The following KSR2 variants were observed in gnomAD, a reference collection of about 807,000 sequenced individuals.
KSR2 encodes kinase suppressor of ras 2.
In KSR2, 25 loss-of-function variants were observed where a neutral mutation model predicts 107.8. That is an observed-to-expected ratio of 0.23 (90% CI 0.17 to 0.32). KSR2 has a LOEUF of 0.32. Among genes scored for constraint, KSR2 ranks in the 10% least tolerant of loss-of-function variants. The pLI, the probability that KSR2 is intolerant of heterozygous loss-of-function variation, is 1.00. For synonymous variants in KSR2, 480 were observed against 507.0 expected (o/e 0.95, Z 0.71); for missense variants, 887 against 1,268.9 (o/e 0.70, Z 4.57).
intron 2 of KSR2, 48 bp from the exon 3 acceptor site, chr12:117,855,626 T>C (rs768363456): frequency 1.0e-4 from 164 of 1,592,368 alleles, no homozygotes; most frequent in Non-Finnish European, 1.4e-4. Flanking sequence ...GAACAGCATC[T>C]CTGCCTCCAC....
At chr12:117,628,240 C>T (rs796797087) in intron 5 of KSR2, among the ~76,000 whole-genome samples, 2 of 152,144 alleles carry the variant, frequency 1.3e-5, no homozygotes, top group South Asian at 2.1e-4. Flanking sequence ...TGTTCCGTTG[C>T]TGGTGAGGAG....
At chr12:117,634,265 G>A (rs747409838) in intron 5 of KSR2, among the ~76,000 whole-genome samples, 3 of 152,066 alleles carry the variant, frequency 2.0e-5, no homozygotes, top group Non-Finnish European at 2.9e-5. Flanking sequence ...AGGGAGCCTC[G>A]TTTAGAGGAA....
intron 14 of KSR2, among the ~76,000 whole-genome samples, chr12:117,516,449 T>G (rs1874382111): frequency 6.6e-6 from 1 of 152,190 alleles, no homozygotes. Flanking sequence ...ACTTGCTGTT[T>G]GTAGTGTCAA....
At chr12:117,614,345 T>G (rs1456404645) in intron 5 of KSR2, among the ~76,000 whole-genome samples, 2 of 152,192 alleles carry the variant, frequency 1.3e-5, no homozygotes, top group African/African-American at 4.8e-5. Flanking sequence ...TAAATTACTT[T>G]TTATAATTTA....
chr12:117,756,754 A>G (rs1246377598), intron 4 of KSR2, among the ~76,000 whole-genome samples: 1 of 152,218 alleles, frequency 6.6e-6, no homozygotes, highest in Non-Finnish European at 1.5e-5. Flanking sequence ...TGGGAAAAGT[A>G]AAATAAAAAC....
chr12:117,470,352 AT>A (rs1871374151), intron 18 of KSR2, among the ~76,000 whole-genome samples: 1 of 150,872 alleles, frequency 6.6e-6, no homozygotes, highest in Non-Finnish European at 1.5e-5. Flanking sequence ...CCACCCATCT[AT>A]GTCAATTATC....
At chr12:117,737,063 A>C (rs1275750733) in intron 4 of KSR2, among the ~76,000 whole-genome samples, 1 of 152,074 alleles carries the variant, frequency 6.6e-6, no homozygotes. Flanking sequence ...TTCAAACACC[A>C]TTTTCACCTG....
chr12:117,755,229 A>C (rs113856320), intron 4 of KSR2, among the ~76,000 whole-genome samples: 7 of 152,308 alleles, frequency 4.6e-5, no homozygotes, highest in African/African-American at 1.7e-4. Flanking sequence ...AGAAAAGGAC[A>C]CACAGGCATA....
rs373628463 is a variant in KSR2, at chr12:117,761,442, C to T, written c.555G>A (p.Pro185=). 8 of 1,612,312 alleles carry T rather than the reference C, an allele frequency of 5.0e-6. No individual in the cohort carries two copies. The highest frequency in any genetic ancestry group is 2.2e-5 in the South Asian group (2 of 90,982). ...GGGTGCGGATCCACGGGGTGGGCTCCGGGGGGCACACGGGATTGTTCTCCT... is the reference window on the plus strand; with the variant it reads ...GGGTGCGGATCCACGGGGTGGGCTCTGGGGGGCACACGGGATTGTTCTCCT... ...TGKENNPVCP[P]EPTPWIRTHL... is the part of the protein sequence containing the mutation. Residue 185 remains proline, a synonymous_variant, in exon 4 of 20, where the codon CCG becomes CCA. Transcript: ENST00000339824.
chr12:117,925,002 G>A (rs999260860), intron 1 of KSR2, among the ~76,000 whole-genome samples: 1 of 152,100 alleles, frequency 6.6e-6, no homozygotes, highest in Non-Finnish European at 1.5e-5. Flanking sequence ...TCTGGGATTT[G>A]CGTCAAAACA....
intron 5 of KSR2, among the ~76,000 whole-genome samples, chr12:117,656,443 A>T (rs1346066159): frequency 6.6e-6 from 1 of 152,048 alleles, no homozygotes; most frequent in African/African-American, 2.4e-5. Context: ...AACCCCACTA[A>T]ACCTCTACTA....
At chr12:117,566,490 G>A (rs935548784) in intron 7 of KSR2, among the ~76,000 whole-genome samples, 1 of 152,134 alleles carries the variant, frequency 6.6e-6, no homozygotes, top group African/African-American at 2.4e-5. Flanking sequence ...TGTGGTATTT[G>A]GTTTTCTGTT....
chr12:117,714,447 AGAG>A (rs1319226229), intron 4 of KSR2, among the ~76,000 whole-genome samples: 1 of 152,158 alleles, frequency 6.6e-6, no homozygotes, highest in East Asian at 1.9e-4. Flanking sequence ...GCGAAAAGGA[AGAG>A]GAGGAGAGGA....
At chr12:117,889,099 C>A (rs1464147412) in intron 1 of KSR2, among the ~76,000 whole-genome samples, 2 of 152,216 alleles carry the variant, frequency 1.3e-5, no homozygotes, top group African/African-American at 4.8e-5. Context: ...CACCCAGCAT[C>A]TTCCATGCAA....
chr12:117,791,935 C>T (rs1356740611), intron 3 of KSR2, among the ~76,000 whole-genome samples: 1 of 152,196 alleles, frequency 6.6e-6, no homozygotes, highest in Admixed American at 6.5e-5. Context: ...AAACAGATTG[C>T]ACAGCACTAT....
At chr12:117,711,369 G>A (rs1886771768) in intron 4 of KSR2, among the ~76,000 whole-genome samples, 1 of 152,220 alleles carries the variant, frequency 6.6e-6, no homozygotes, top group Admixed American at 6.5e-5. Context: ...ATGTGCAAAG[G>A]CCCTGAGGCA....
At chr12:117,863,819 G>A (rs893700571) in intron 1 of KSR2, among the ~76,000 whole-genome samples, 3 of 151,936 alleles carry the variant, frequency 2.0e-5, no homozygotes, top group South Asian at 2.1e-4. Context: ...GAGGCCGCCC[G>A]CATCCCTTGG....
At chr12:117,900,893 G>A (rs1031498947) in intron 1 of KSR2, among the ~76,000 whole-genome samples, 5 of 152,154 alleles carry the variant, frequency 3.3e-5, no homozygotes, top group African/African-American at 7.2e-5. Flanking sequence ...CCAAGCAGTC[G>A]TTTTGGCAAA....
chr12:117,898,348 T>G (rs978075031), intron 1 of KSR2, among the ~76,000 whole-genome samples: 52 of 152,102 alleles, frequency 3.4e-4, no homozygotes, highest in African/African-American at 1.2e-3. Context: ...TTTTTTTTTT[T>G]TGAGACAGGG....
Sources: allele counts gnomAD v4.1 joint callset (sites outside exome capture counted in the v4.1 genomes callset), GRCh38; gene constraint gnomAD v4.1.1; transcripts MANE v1.5; gene names NCBI Gene and HGNC (gene_info 2026-07-23, HGNC 2026-07-21).